VPS13C: variants seen among roughly 807,000 people sequenced by gnomAD.
VPS13C encodes intermembrane lipid transfer protein VPS13C.
In VPS13C, 358 loss-of-function variants were observed where a neutral mutation model predicts 456.8. That is an observed-to-expected ratio of 0.78 (90% CI 0.72 to 0.86). VPS13C has a LOEUF of 0.86. Ranked by LOEUF, VPS13C falls within the 40% of genes least tolerant of loss-of-function variation. The pLI, the probability that VPS13C is intolerant of heterozygous loss-of-function variation, is 0.00. For missense variants in VPS13C, 4,818 were observed against 4,385.4 expected (o/e 1.10, Z -2.79); for synonymous variants, 1,578 against 1,486.7 (o/e 1.06, Z -1.41).
intron 12 of VPS13C, 102 bp downstream of exon 12, chr15:62,012,005 T>C (rs773644801): frequency 5.8e-5 from 41 of 711,142 alleles, no homozygotes; most frequent in Non-Finnish European, 9.5e-5. Context: ...ATAAAATTAA[T>C]ATACTTTGAC....
At chr15:61,903,466 T>C (rs2043064885) in intron 66 of VPS13C, among the ~76,000 whole-genome samples, 1 of 151,828 alleles carries the variant, frequency 6.6e-6, no homozygotes, top group African/African-American at 2.4e-5. Context: ...TTGACCAAAA[T>C]GTATAAAGCT....
chr15:61,945,944 T>C (rs2044590304), intron 44 of VPS13C, 62 bp from the exon 45 acceptor site: 2 of 1,342,600 alleles, frequency 1.5e-6, no homozygotes, highest in Admixed American at 5.4e-5. Context: ...TATCAATGTA[T>C]TATAAATAAG....
intron 16 of VPS13C, among the ~76,000 whole-genome samples, chr15:61,996,533 G>A (rs907663206): frequency 6.6e-6 from 1 of 152,118 alleles, no homozygotes; most frequent in Admixed American, 6.6e-5. Context: ...GCAGATGCCA[G>A]TAATCAGATA....
chr15:61,996,990 C>CATATATATATAT (rs1416476981), intron 16 of VPS13C, among the ~76,000 whole-genome samples: 2,310 of 139,752 alleles, frequency 0.017, 34 homozygotes, highest in African/African-American at 0.037. Flanking sequence ...ATATATTTTA[C>CATATATATATAT]ATACATACAT....
intron 1 of VPS13C, among the ~76,000 whole-genome samples, chr15:62,054,845 A>G (rs1263809777): frequency 6.6e-6 from 1 of 152,198 alleles, no homozygotes; most frequent in Non-Finnish European, 1.5e-5. Flanking sequence ...TCCATCACCC[A>G]GCCAGGTTTG....
At chr15:61,891,531 AGT>A (rs2042650598) in intron 66 of VPS13C, among the ~76,000 whole-genome samples, 1 of 152,218 alleles carries the variant, frequency 6.6e-6, no homozygotes, top group African/African-American at 2.4e-5. Context: ...TATGTATCTT[AGT>A]TCACAGTTAT....
chr15:61,932,557 A>G (rs1393170814), intron 49 of VPS13C, among the ~76,000 whole-genome samples: 2 of 151,902 alleles, frequency 1.3e-5, no homozygotes, highest in African/African-American at 4.8e-5. Flanking sequence ...AATCAACAAA[A>G]ACCTTCAGGG....
At chr15:61,873,688 G>C (rs544523246) in intron 77 of VPS13C, among the ~76,000 whole-genome samples, 2 of 152,082 alleles carry the variant, frequency 1.3e-5, no homozygotes, top group Non-Finnish European at 2.9e-5. Context: ...TGTCAAAGAA[G>C]TGGAGAAAAG....
chr15:61,855,999 A>T (rs1893882006), intron 83 of VPS13C, among the ~76,000 whole-genome samples: 1 of 131,754 alleles, frequency 7.6e-6, no homozygotes, highest in Non-Finnish European at 1.8e-5. Context: ...ATATGAAGTT[A>T]AAAAAAAAAC....
intron 66 of VPS13C, among the ~76,000 whole-genome samples, chr15:61,897,880 C>A (rs1019256051): frequency 1.2e-4 from 19 of 152,106 alleles, no homozygotes; most frequent in Non-Finnish European, 2.6e-4. Context: ...CAAAGGGAAG[C>A]CCATCAGACT....
chr15:62,041,194 G>A (rs1303010168), intron 3 of VPS13C, 130 bp downstream of exon 3: 8 of 804,360 alleles, frequency 9.9e-6, no homozygotes, highest in East Asian at 2.8e-5. Flanking sequence ...AGAACTCTAC[G>A]AGCTCTAATT....
At chr15:62,031,069 G>A (rs533513204) in intron 5 of VPS13C, among the ~76,000 whole-genome samples, 4 of 152,020 alleles carry the variant, frequency 2.6e-5, no homozygotes, top group Admixed American at 6.6e-5. Context: ...TGAAATAAAA[G>A]GAGAAAAACA....
chr15:61,947,783 A>T (rs546931703), intron 42 of VPS13C, among the ~76,000 whole-genome samples: 1 of 152,352 alleles, frequency 6.6e-6, no homozygotes, highest in East Asian at 1.9e-4. Flanking sequence ...ACTACATGAT[A>T]AATTTCTCCA....
intron 36 of VPS13C, 136 bp from the exon 37 acceptor site, chr15:61,958,852 A>G: frequency 4.2e-6 from 2 of 478,864 alleles, no homozygotes; most frequent in Non-Finnish European, 7.2e-6. Context: ...TACAATCACA[A>G]CTCACTTAAG....
intron 25 of VPS13C, 80 bp downstream of exon 25, chr15:61,974,204 TATAA>T: frequency 7.3e-7 from 1 of 1,365,562 alleles, no homozygotes; most frequent in Non-Finnish European, 9.6e-7. Flanking sequence ...TCCTTTCACT[TATAA>T]ACCTTGCCCT....
chr15:61,968,890 ACTTAAT>A (rs1226803319), intron 28 of VPS13C, among the ~76,000 whole-genome samples: 3 of 152,146 alleles, frequency 2.0e-5, no homozygotes, highest in African/African-American at 7.2e-5. Flanking sequence ...TCAGTAAGCC[ACTTAAT>A]CTTTATTTAG....
In VPS13C at chr15:61,973,535, A is replaced by C; in HGVS notation, c.2539-3T>G. On this transcript the variant is annotated splice_region_variant and splice_polypyrimidine_tract_variant and intron_variant, in intron 25 of 84. Coordinates refer to ENST00000644861, the MANE Select transcript of VPS13C (RefSeq NM_020821.3). ...GAAATAATAGGAATTGAGGATACCT[A>C]GCAAAGAATACAAAAAGTTTTCTTA... is the stretch of plus-strand genomic sequence containing the variant. 6.2e-7 allele frequency: 1 copy of C among 1,610,566 alleles called. No homozygotes were observed. Among genetic ancestry groups the C allele is most frequent in the Non-Finnish European group, 8.5e-7 (1 of 1,177,304 alleles).
rs987082436 is a variant in VPS13C at position 61,858,064 on chromosome 15, C to T, written c.10953-1655G>A. ...CACTGCCCACACTCCCGGCCCCAGT[C>T]GATAATCAGCTGACAGAGCTAAGGA... is the stretch of plus-strand genomic sequence containing the variant. On this transcript the variant is annotated intron_variant, in intron 82 of 84. Coordinates refer to ENST00000644861, the MANE Select transcript of VPS13C (RefSeq NM_020821.3). This position sits in a 1 kb window ranked among gnomAD's most constrained non-coding sequence, Gnocchi z 4.4. 2.0e-5 allele frequency among the ~76,000 whole-genome samples: 3 copies of T among 152,106 alleles called. No individual in the cohort carries two copies. The highest frequency in any genetic ancestry group is 2.9e-5 in the Non-Finnish European group (2 of 68,016).
chr15:61,936,135 T>C (rs2044219417), intron 48 of VPS13C, among the ~76,000 whole-genome samples: 1 of 152,186 alleles, frequency 6.6e-6, no homozygotes, highest in Non-Finnish European at 1.5e-5. Flanking sequence ...AGGTTCAAAT[T>C]AATGATCTGA....
Sources: gnomAD v4.1 joint callset for allele counts (sites outside exome capture counted in the v4.1 genomes callset) on GRCh38, gnomAD v4.1.1 for gene constraint, Gnocchi (gnomAD v3.1) non-coding constraint, MANE v1.5 for transcripts, NCBI Gene and HGNC (gene_info 2026-07-23, HGNC 2026-07-21) for gene names.